The following DPYD variants were observed in gnomAD, a reference collection of about 807,000 sequenced individuals.
DPYD encodes the protein dihydropyrimidine dehydrogenase [NADP(+)].
In DPYD, 109 loss-of-function variants were observed where a neutral mutation model predicts 116.2. The ratio of observed to expected loss-of-function variants is 0.94; its 90% CI spans 0.80 to 1.10. The LOEUF (loss-of-function observed/expected upper bound fraction) is 1.10, where lower values mean the gene tolerates loss of function less well. DPYD is among the 50% of genes least tolerant of loss of function. DPYD has a pLI of 0.00. For missense variants in DPYD, 1,302 were observed against 1,254.5 expected, an observed-to-expected ratio of 1.04 and a Z score of -0.57; for synonymous variants, 440 against 432.0, an observed-to-expected ratio of 1.02 and a Z score of -0.23.
chr1:97,318,691 G>T (rs1405471663), intron 16 of DPYD, among the ~76,000 whole-genome samples: 1 of 150,168 alleles, frequency 6.7e-6, no homozygotes, highest in Non-Finnish European at 1.5e-5. Context: ...AAGTCAACAA[G>T]GATACCCAGG....
chr1:97,920,750 A>G, intron 1 of DPYD, 134 bp downstream of exon 1: 1 of 1,282,802 alleles, frequency 7.8e-7, no homozygotes, highest in Non-Finnish European at 1.1e-6. Context: ...TCCCCCGCAG[A>G]GCTCCCACGG....
chr1:97,121,596 T>C, intron 20 of DPYD, among the ~76,000 whole-genome samples: 1 of 152,098 alleles, frequency 6.6e-6, no homozygotes, highest in East Asian at 1.9e-4. Context: ...ATTATATAGG[T>C]TGATGCATGT....
At chr1:97,222,496 G>A (rs1369980207) in intron 19 of DPYD, among the ~76,000 whole-genome samples, 5 of 152,114 alleles carry the variant, frequency 3.3e-5, no homozygotes, top group Non-Finnish European at 7.4e-5. Context: ...ACTCAAAGAC[G>A]TAATAAGTTT....
At chr1:97,422,845 T>A (rs550835034) in intron 14 of DPYD, among the ~76,000 whole-genome samples, 12 of 151,942 alleles carry the variant, frequency 7.9e-5, no homozygotes, top group Admixed American at 5.3e-4. Context: ...CAAGATGCTA[T>A]CCAAAATAAA....
intron 16 of DPYD, among the ~76,000 whole-genome samples, chr1:97,373,107 T>G (rs893513939): frequency 1.3e-5 from 2 of 152,188 alleles, no homozygotes; most frequent in Non-Finnish European, 2.9e-5. Flanking sequence ...TTTTTGCAAC[T>G]CCCCAAACAC....
intron 8 of DPYD, among the ~76,000 whole-genome samples, chr1:97,654,483 A>T (rs1238974748): frequency 1.3e-5 from 2 of 152,140 alleles, no homozygotes; most frequent in Non-Finnish European, 2.9e-5. Context: ...ATATTCATAA[A>T]AGTTCAGGGA....
At chr1:97,391,048 C>CTTTTT (rs571016808) in intron 14 of DPYD, among the ~76,000 whole-genome samples, 22,326 of 131,448 alleles carry the variant, frequency 0.17, 1,929 homozygotes, top group South Asian at 0.34. Context: ...TACTTTTCCT[C>CTTTTT]TTTTTTTTTT....
intron 5 of DPYD, among the ~76,000 whole-genome samples, chr1:97,704,174 C>G (rs1270196783): frequency 6.6e-6 from 1 of 151,966 alleles, no homozygotes; most frequent in Non-Finnish European, 1.5e-5. Context: ...TTCATATATA[C>G]ACAATATACT....
chr1:97,268,737 C>G (rs1664389615), intron 18 of DPYD, among the ~76,000 whole-genome samples: 1 of 152,128 alleles, frequency 6.6e-6, no homozygotes, highest in Admixed American at 6.5e-5. Context: ...GAGCCCCTGT[C>G]TAGAAACCCT....
At chr1:97,172,503 A>G (rs1171127777) in intron 20 of DPYD, among the ~76,000 whole-genome samples, 1 of 152,196 alleles carries the variant, frequency 6.6e-6, no homozygotes, top group Non-Finnish European at 1.5e-5. Flanking sequence ...AGCTAATGCT[A>G]TAAATTCACT....
At chr1:97,227,768 G>A (rs1176360784) in intron 19 of DPYD, among the ~76,000 whole-genome samples, 3 of 151,978 alleles carry the variant, frequency 2.0e-5, no homozygotes, top group Non-Finnish European at 4.4e-5. Context: ...ACTATATACC[G>A]AAGTATGTTG....
chr1:97,299,017 G>T (rs1375465146), intron 18 of DPYD, among the ~76,000 whole-genome samples: 1 of 152,056 alleles, frequency 6.6e-6, no homozygotes, highest in Non-Finnish European at 1.5e-5. Flanking sequence ...TTCTCTGCAA[G>T]GCTTCCTTAA....
intron 13 of DPYD, among the ~76,000 whole-genome samples, chr1:97,466,795 T>C (rs906724602): frequency 2.6e-5 from 4 of 152,202 alleles, no homozygotes; most frequent in Non-Finnish European, 5.9e-5. Context: ...CCTACCTGCC[T>C]AATTTTCTAT....
intron 8 of DPYD, among the ~76,000 whole-genome samples, chr1:97,670,389 G>A (rs1220023598): frequency 6.6e-6 from 1 of 152,182 alleles, no homozygotes; most frequent in African/African-American, 2.4e-5. Flanking sequence ...TCATGAAGGT[G>A]GGGCCCCCAT....
intron 18 of DPYD, among the ~76,000 whole-genome samples, chr1:97,276,210 C>G (rs1311161030): frequency 1.3e-5 from 2 of 151,998 alleles, no homozygotes; most frequent in African/African-American, 4.8e-5. Flanking sequence ...ATGGTGTTTC[C>G]TAGGTTTTCT....
chr1:97,203,793 CAAAAAAAAAAAAAAA>C (rs56819543), intron 19 of DPYD, among the ~76,000 whole-genome samples: 1,870 of 65,964 alleles, frequency 0.028, 86 homozygotes, highest in African/African-American at 0.1. Flanking sequence ...ATTCACATTC[CAAAAAAAAAAAAAAA>C]AAAAAAAAAA....
chr1:97,409,313 T>C (rs533488636), intron 14 of DPYD, among the ~76,000 whole-genome samples: 3 of 152,280 alleles, frequency 2.0e-5, no homozygotes, highest in East Asian at 3.9e-4. Flanking sequence ...TTAATGCATG[T>C]TCAATTAGAT....
At chr1:97,342,286 T>C (rs1283750360) in intron 16 of DPYD, among the ~76,000 whole-genome samples, 1 of 152,200 alleles carries the variant, frequency 6.6e-6, no homozygotes, top group African/African-American at 2.4e-5. Context: ...TAGTATTGAA[T>C]CTTTCTAGTT....
At chr1:97,131,211 C>G (rs1480494606) in intron 20 of DPYD, among the ~76,000 whole-genome samples, 2 of 151,800 alleles carry the variant, frequency 1.3e-5, no homozygotes, top group African/African-American at 4.8e-5. Flanking sequence ...CCTAAATTGG[C>G]TTTTGGTCAA....
Sources: allele counts gnomAD v4.1 joint callset (sites outside exome capture counted in the v4.1 genomes callset), GRCh38; gene constraint gnomAD v4.1.1; transcripts MANE v1.5; gene names NCBI Gene and HGNC (gene_info 2026-07-23, HGNC 2026-07-21).